CFAP61: variants seen among roughly 807,000 people sequenced by gnomAD.
CFAP61 encodes the protein cilia- and flagella-associated protein 61.
CFAP61 carries 107 observed loss-of-function variants against 135.6 expected under a neutral mutation model. The observed-to-expected ratio is 0.79, with a 90% CI of 0.67 to 0.93. CFAP61 has a LOEUF of 0.93. CFAP61 is among the 40% of genes least tolerant of loss of function. The probability of loss-of-function intolerance (pLI) is 0.00; values close to 1 mark genes in which losing one functional copy is unlikely to be tolerated. For synonymous variants in CFAP61, 575 were observed against 578.5 expected, an observed-to-expected ratio of 0.99 and a Z score of 0.09; for missense variants, 1,507 against 1,556.2, an observed-to-expected ratio of 0.97 and a Z score of 0.53.
rs1055261697 is a variant in CFAP61 at position 20,277,319 on chromosome 20, T to G, written c.2657T>G (p.Val886Gly). 3.7e-6 allele frequency: 6 copies of G among 1,614,014 alleles called. No individual in the cohort carries two copies. The highest frequency in any genetic ancestry group is 5.1e-6 in the Non-Finnish European group (6 of 1,180,028). The part of the protein sequence containing the change: ...CINNYSVESA[V>G]ADALGAAGVT... The stretch of plus-strand genomic sequence containing the variant: ...AACAACTACTCGGTGGAGAGCGCCG[T>G]GGCGGACGCGCTAGGAGCCGCCGGA... Residue 886 changes from valine (V) to glycine (G), a missense_variant, in exon 22 of 27, where the codon GTG becomes GGG. Physicochemically the swap from Val to Gly is moderately radical, Grantham distance 109. Coordinates refer to ENST00000245957, the MANE Select transcript of CFAP61 (RefSeq NM_015585.4).
At chr20:20,205,135 T>C (rs1010384938) in intron 17 of CFAP61, among the ~76,000 whole-genome samples, 3 of 152,196 alleles carry the variant, frequency 2.0e-5, no homozygotes, top group African/African-American at 4.8e-5. Flanking sequence ...GAAGGACTTA[T>C]AAACCAGTGT....
intron 18 of CFAP61, among the ~76,000 whole-genome samples, chr20:20,245,313 G>A (rs1255371824): frequency 2.0e-5 from 3 of 152,156 alleles, no homozygotes; most frequent in South Asian, 2.1e-4. Context: ...AAAGAAAGAC[G>A]TTTAATGGAC....
At chr20:20,059,202 C>G (rs1284717076) in intron 2 of CFAP61, among the ~76,000 whole-genome samples, 1 of 151,626 alleles carries the variant, frequency 6.6e-6, no homozygotes, top group African/African-American at 2.4e-5. Flanking sequence ...GTAGCGCGCA[C>G]TCTGTAGTCC....
chr20:20,205,937 G>A (rs772746318), intron 17 of CFAP61, among the ~76,000 whole-genome samples: 3 of 151,990 alleles, frequency 2.0e-5, no homozygotes, highest in Non-Finnish European at 4.4e-5. Context: ...CATGTTGGAT[G>A]TGGTTTCAGA....
chr20:20,224,665 G>A (rs1485768859), intron 17 of CFAP61, among the ~76,000 whole-genome samples: 2 of 151,934 alleles, frequency 1.3e-5, no homozygotes, highest in Non-Finnish European at 2.9e-5. Context: ...CTCCAGCCTG[G>A]GCAACAAGAG....
At chr20:20,152,421 CAG>C (rs1414519463) in intron 9 of CFAP61, among the ~76,000 whole-genome samples, 2 of 152,150 alleles carry the variant, frequency 1.3e-5, no homozygotes, top group South Asian at 2.1e-4. Flanking sequence ...TTAAAAGACA[CAG>C]AATGGCAGAA....
intron 21 of CFAP61, among the ~76,000 whole-genome samples, chr20:20,269,871 G>T (rs1038609402): frequency 6.6e-6 from 1 of 151,622 alleles, no homozygotes; most frequent in African/African-American, 2.4e-5. Context: ...GACTCACAGG[G>T]TTTGAGTCCT....
At chr20:20,154,910 A>G (rs976907252) in intron 9 of CFAP61, among the ~76,000 whole-genome samples, 2 of 152,166 alleles carry the variant, frequency 1.3e-5, no homozygotes, top group Non-Finnish European at 2.9e-5. Flanking sequence ...TCTTCACAGA[A>G]CTAGAAAAAA....
chr20:20,216,557 CAGGACTTCTGGGCATGGGGA>C (rs2048049669), intron 17 of CFAP61, among the ~76,000 whole-genome samples: 2 of 152,228 alleles, frequency 1.3e-5, no homozygotes, highest in Non-Finnish European at 2.9e-5. Flanking sequence ...ACATCCCTGC[CAGGACTTCTGGGCATGGGGA>C]AGCCTTTTGT....
chr20:20,190,884 C>T (rs1486764796), intron 14 of CFAP61, among the ~76,000 whole-genome samples: 4 of 152,002 alleles, frequency 2.6e-5, no homozygotes, highest in Non-Finnish European at 2.9e-5. Flanking sequence ...TCTGGGAGCC[C>T]AAGGCAGGTG....
At chr20:20,349,957 A>G (rs2058771586) in intron 26 of CFAP61, among the ~76,000 whole-genome samples, 1 of 152,240 alleles carries the variant, frequency 6.6e-6, no homozygotes, top group Admixed American at 6.5e-5. Context: ...AAAAGAACAG[A>G]GTTGAAGAAC....
intron 25 of CFAP61, among the ~76,000 whole-genome samples, chr20:20,340,841 T>A (rs1217051745): frequency 6.6e-6 from 1 of 152,082 alleles, no homozygotes; most frequent in Non-Finnish European, 1.5e-5. Context: ...ACTGATGCCA[T>A]GTTCTGATCC....
Position 20,360,547 on chromosome 20 carries a change from C to T in CFAP61, c.*137C>T, listed in dbSNP as rs2274673. 0.58 allele frequency: 407,279 copies of T among 703,978 alleles called. 120,758 individuals are homozygous for T. Among genetic ancestry groups the T allele is most frequent in the Non-Finnish European group, 0.62 (260,903 of 422,080 alleles). 43.6% of individuals were successfully genotyped at this position (703,978 alleles called of 1,614,324 possible). On this transcript the variant is annotated 3_prime_UTR_variant, in exon 27 of 27. Coordinates refer to ENST00000245957, the MANE Select transcript of CFAP61 (RefSeq NM_015585.4). ...GGTGGTTTTGTTCATTCCTTTCCTT[C>T]CCTGACTTATGCCTGTAGTTTTCTA...
intron 6 of CFAP61, among the ~76,000 whole-genome samples, chr20:20,082,132 G>A (rs911136442): frequency 2.6e-4 from 40 of 152,218 alleles, no homozygotes; most frequent in African/African-American, 9.4e-4. Flanking sequence ...GGGCGTGGCT[G>A]TGTGCCTCTT....
At chr20:20,195,621 C>T (rs556415006) in intron 15 of CFAP61, among the ~76,000 whole-genome samples, 1 of 152,218 alleles carries the variant, frequency 6.6e-6, no homozygotes, top group Non-Finnish European at 1.5e-5. Flanking sequence ...GAGCAGTGTG[C>T]CTGATATTTC....
At chr20:20,130,604 A>G (rs1429592044) in intron 8 of CFAP61, among the ~76,000 whole-genome samples, 4 of 151,742 alleles carry the variant, frequency 2.6e-5, no homozygotes, top group African/African-American at 7.3e-5. Flanking sequence ...CCTGCTAGGT[A>G]GCTGCCTCCT....
At chr20:20,135,625 A>G (rs1044178618) in intron 8 of CFAP61, among the ~76,000 whole-genome samples, 3 of 152,320 alleles carry the variant, frequency 2.0e-5, no homozygotes, top group African/African-American at 7.2e-5. Flanking sequence ...AACAAACAAC[A>G]ACTAACAAGC....
intron 25 of CFAP61, among the ~76,000 whole-genome samples, chr20:20,303,519 G>A (rs6112856): frequency 0.15 from 22,357 of 152,036 alleles, 1,852 homozygotes; most frequent in East Asian, 0.3. Flanking sequence ...GTGTTAGTGG[G>A]TACATGCAGC....
chr20:20,177,929 A>T (rs1026151858), intron 13 of CFAP61, among the ~76,000 whole-genome samples: 4 of 152,046 alleles, frequency 2.6e-5, no homozygotes, highest in Non-Finnish European at 4.4e-5. Flanking sequence ...CTCTTTAAAA[A>T]TGTATCATGT....
Sources: allele counts gnomAD v4.1 joint callset (sites outside exome capture counted in the v4.1 genomes callset), GRCh38; gene constraint gnomAD v4.1.1; transcripts MANE v1.5; gene names NCBI Gene and HGNC (gene_info 2026-07-23, HGNC 2026-07-21).